The following CTXND1 variants were observed in gnomAD, a reference collection of about 807,000 sequenced individuals.
CTXND1 encodes the protein cortexin domain-containing 1 protein.
rs141419747 is a variant in CTXND1 at position 80,211,493 on chromosome 15, G to A, written c.-217-7753C>T. On this transcript the variant is annotated intron_variant, in intron 1 of 2. Transcript: ENST00000560778. ...CCCTCACCAATCACATCGTTCTGTG[G>A]GACTGCACTTGGTGGCCTCACTCCT... Among the ~76,000 whole-genome samples, 678 of 152,220 alleles carry A rather than the reference G, an allele frequency of 4.5e-3. 6 individuals are homozygous for A. Among genetic ancestry groups the A allele is most frequent in the Middle Eastern group, 0.014 (4 of 294 alleles).
intron 2 of CTXND1, among the ~76,000 whole-genome samples, 155 bp downstream of exon 2, chr15:80,203,434 C>T (rs1893109475): frequency 6.6e-6 from 1 of 152,220 alleles, no homozygotes; most frequent in Non-Finnish European, 1.5e-5. Flanking sequence ...TGTAGTGGGG[C>T]TCCATCTTCC....
chr15:80,238,008 C>CAAAAAAAAAAAAAAAAAAAAAAAA (rs57718635), intron 1 of CTXND1, among the ~76,000 whole-genome samples: 1 of 77,138 alleles, frequency 1.3e-5, no homozygotes, highest in Non-Finnish European at 2.4e-5. Context: ...GACTCCATCT[C>CAAAAAAAAAAAAAAAAAAAAAAAA]AAAAAAAAAA....
chr15:80,249,714 A>G (rs903396105), intron 1 of CTXND1, among the ~76,000 whole-genome samples: 9 of 152,258 alleles, frequency 5.9e-5, no homozygotes, highest in African/African-American at 2.2e-4. Context: ...GGTGTCCACA[A>G]GGCAACTGAT....
intron 1 of CTXND1, among the ~76,000 whole-genome samples, chr15:80,232,941 C>T (rs867362619): frequency 0.029 from 3,564 of 123,206 alleles, 153 homozygotes; most frequent in African/African-American, 0.1. Context: ...ATGCAACTTC[C>T]TTTTTTTTTT....
In CTXND1 at chr15:80,210,916, T is replaced by G. The variant is rs996104727; in HGVS notation, c.-217-7176A>C. Among the ~76,000 whole-genome samples the G allele has an allele frequency of 2.0e-5, 3 of 152,220 alleles. 1 individual carries two copies. Among genetic ancestry groups the G allele is most frequent in the Admixed American group, 2.0e-4 (3 of 15,278 alleles). The stretch of plus-strand genomic sequence containing the variant: ...AAGACCTTTCCTAGGTAGGTGAGTC[T>G]TCTTGTAAAGCCACCAATTTGATTT... On this transcript the variant is annotated intron_variant, in intron 1 of 2. Transcript: ENST00000560778.
At position 80,199,462 on chromosome 15, in the gene CTXND1, C is replaced by G. The variant is rs964719963; in HGVS notation, c.*2308G>C. 7.2e-5 allele frequency: 11 copies of G among 152,190 alleles called. No individual in the cohort carries two copies. The highest frequency in any genetic ancestry group is 2.7e-4 in the African/African-American group (11 of 41,404). The allele number at this position is 152,190 out of a possible 1,614,324, so 9.4% of individuals were successfully genotyped here. On this transcript the variant is annotated 3_prime_UTR_variant, in exon 3 of 3. Coordinates refer to ENST00000560778, the MANE Select transcript of CTXND1 (RefSeq NM_001352888.2). ...TTTCCTGGGGTCTGTTATTAGCTGA[C>G]TGGGAGTTGGTTCTAGTTTGCATTG...
chr15:80,235,409 G>A (rs1172466299), intron 1 of CTXND1, among the ~76,000 whole-genome samples: 1 of 152,168 alleles, frequency 6.6e-6, no homozygotes, highest in African/African-American at 2.4e-5. Flanking sequence ...GTGGAGTGCT[G>A]GCCAAGATGG....
intron 1 of CTXND1, among the ~76,000 whole-genome samples, chr15:80,209,181 G>A (rs78027446): frequency 0.054 from 8,175 of 152,232 alleles, 729 homozygotes; most frequent in African/African-American, 0.19. Context: ...CTTCTGGGTG[G>A]GGTGAATGCC....
At chr15:80,220,319 G>A (rs936327681) in intron 1 of CTXND1, among the ~76,000 whole-genome samples, 5 of 151,968 alleles carry the variant, frequency 3.3e-5, no homozygotes, top group Admixed American at 1.3e-4. Flanking sequence ...ATTTATTGAC[G>A]AATCTGTCTT....
intron 1 of CTXND1, among the ~76,000 whole-genome samples, chr15:80,211,585 G>A (rs1303158826): frequency 2.6e-5 from 4 of 152,064 alleles, no homozygotes; most frequent in African/African-American, 7.2e-5. Context: ...TAATTAAAAC[G>A]ATGACAATCA....
intron 1 of CTXND1, among the ~76,000 whole-genome samples, chr15:80,232,465 A>G (rs938788203): frequency 2.0e-5 from 3 of 152,154 alleles, no homozygotes; most frequent in East Asian, 1.9e-4. Flanking sequence ...ACAGCCTTTA[A>G]TGATTTTTTG....
intron 1 of CTXND1, among the ~76,000 whole-genome samples, chr15:80,241,390 A>C (rs68014311): frequency 0.21 from 32,084 of 151,984 alleles, 4,566 homozygotes; most frequent in East Asian, 0.59. Flanking sequence ...CCTTTTCATG[A>C]CTTTGTTCAA....
chr15:80,203,956 G>C (rs1595903001), intron 1 of CTXND1, among the ~76,000 whole-genome samples: 1 of 150,934 alleles, frequency 6.6e-6, no homozygotes, highest in African/African-American at 2.4e-5. Flanking sequence ...GATTGCTTGA[G>C]CTCAGGAGTT....
At chr15:80,219,956 T>G (rs1893294276) in intron 1 of CTXND1, among the ~76,000 whole-genome samples, 1 of 152,232 alleles carries the variant, frequency 6.6e-6, no homozygotes, top group African/African-American at 2.4e-5. Flanking sequence ...ATCTGTGGCT[T>G]GTTTTTCAAA....
intron 1 of CTXND1, among the ~76,000 whole-genome samples, chr15:80,226,924 AAT>A (rs1893378497): frequency 6.6e-6 from 1 of 152,206 alleles, no homozygotes; most frequent in Admixed American, 6.5e-5. Flanking sequence ...GGAAAAGAGT[AAT>A]AAATTCACCA....
At chr15:80,231,210 A>G (rs535632875) in intron 1 of CTXND1, among the ~76,000 whole-genome samples, 2 of 151,752 alleles carry the variant, frequency 1.3e-5, no homozygotes, top group South Asian at 4.2e-4. Context: ...CCAGGTTCAC[A>G]TGGGTAGTCT....
At chr15:80,222,474 C>A (rs1448919260) in intron 1 of CTXND1, among the ~76,000 whole-genome samples, 1 of 152,102 alleles carries the variant, frequency 6.6e-6, no homozygotes, top group Non-Finnish European at 1.5e-5. Context: ...ACAAATGTAA[C>A]CCTAACTCTC....
chr15:80,248,060 CA>C (rs771367387), intron 1 of CTXND1, among the ~76,000 whole-genome samples: 2 of 152,254 alleles, frequency 1.3e-5, no homozygotes, highest in Non-Finnish European at 2.9e-5. Context: ...AGCCTACTCT[CA>C]ATGGAGAGGA....
At chr15:80,244,666 C>T (rs1010314855) in intron 1 of CTXND1, among the ~76,000 whole-genome samples, 3 of 152,206 alleles carry the variant, frequency 2.0e-5, no homozygotes, top group African/African-American at 7.2e-5. Context: ...GCCCCAGACA[C>T]TGCCCTCTGT....
Sources: allele counts gnomAD v4.1 joint callset (sites outside exome capture counted in the v4.1 genomes callset), GRCh38; gene constraint gnomAD v4.1.1; transcripts MANE v1.5; gene names NCBI Gene and HGNC (gene_info 2026-07-23, HGNC 2026-07-21).